The following RAB3GAP1 variants were observed in gnomAD, a reference collection of about 807,000 sequenced individuals.
The protein encoded by RAB3GAP1 is RAB3 GTPase activating protein catalytic subunit 1.
In RAB3GAP1, 86 loss-of-function variants were observed where a neutral mutation model predicts 130.7. That is an observed-to-expected ratio of 0.66 (90% CI 0.55 to 0.79). The LOEUF is 0.79. Ranked by LOEUF, RAB3GAP1 falls within the 30% of genes least tolerant of loss-of-function variation. The pLI is 0.00. For missense variants in RAB3GAP1, 1,029 were observed against 1,169.4 expected (o/e 0.88, Z 1.75); for synonymous variants, 367 against 401.7 (o/e 0.91, Z 1.03).
At chr2:135,085,507 T>C (rs1323654840) in intron 3 of RAB3GAP1, among the ~76,000 whole-genome samples, 3 of 152,164 alleles carry the variant, frequency 2.0e-5, no homozygotes, top group African/African-American at 7.2e-5. Flanking sequence ...AAGGCAGTGA[T>C]CTTTATCTTA....
chr2:135,109,538 A>G (rs984086030), intron 5 of RAB3GAP1, among the ~76,000 whole-genome samples: 1 of 151,678 alleles, frequency 6.6e-6, no homozygotes, highest in African/African-American at 2.4e-5. Flanking sequence ...CATTTTAAAT[A>G]TTGATATATT....
At position 135,109,340 on chromosome 2, in the gene RAB3GAP1, G is replaced by A. The variant is rs551813915; in HGVS notation, c.363-3811G>A. Among the ~76,000 whole-genome samples the A allele has an allele frequency of 7.9e-5, 12 of 151,830 alleles. No individual in the cohort carries two copies. The East Asian group carries it at 2.3e-3, about 29-fold the overall frequency. On this transcript the variant is annotated intron_variant, in intron 5 of 23. Transcript: ENST00000264158. ...TTTCTTTATTATGTGTGTGTGTGGT[G>A]GTATTGGTGGTGGTAACCATAATTA...
In RAB3GAP1 at chr2:135,083,767, GTT is replaced by G. The variant is rs34087354; in HGVS notation, c.151-7208_151-7207del. On this transcript the variant is annotated intron_variant, in intron 3 of 23. Transcript: ENST00000264158. ...GGCGTCAGCCACTGTACCCAACACG[GTT>G]TTTTTTTTTTTTTTTTTTTTTTAAT... Among the ~76,000 whole-genome samples, 723 of 98,264 alleles carry G rather than the reference GTT, an allele frequency of 7.4e-3. 5 individuals are homozygous for G. Among genetic ancestry groups the G allele is most frequent in the African/African-American group, 0.026 (664 of 25,726 alleles). 64.5% of individuals were successfully genotyped at this position (98,264 alleles called of 152,430 possible).
Position 135,162,805 on chromosome 2 carries a change from C to T in RAB3GAP1, c.2444C>T (p.Ser815Phe), listed in dbSNP as rs746243399. The change falls in exon 21 of 24, where the codon TCC becomes TTC. Residue 815 changes from serine to phenylalanine, a missense_variant. Ser to Phe is a radical substitution (Grantham distance 155). Around this residue, in one of 3 missense-constraint regions of RAB3GAP1, gnomAD observed 373 missense variants for 493.6 expected, o/e 0.76. Coordinates refer to ENST00000264158, the MANE Select transcript of RAB3GAP1 (RefSeq NM_012233.3). ...KKIIKQIISH[S>F]SKVLHFPNPE... Reference sequence around the variant, plus strand: ...ATCATAAAGCAGATAATATCCCATTCCAGTAAAGTTTTGCACTTCCCCAAT... The same window carrying T: ...ATCATAAAGCAGATAATATCCCATTTCAGTAAAGTTTTGCACTTCCCCAAT... 3.7e-6 allele frequency: 6 copies of T among 1,613,704 alleles called. No homozygotes were observed. The South Asian group carries it at 6.6e-5, about 18-fold the overall frequency.
At chr2:135,117,340 C>G (rs1255545287) in intron 7 of RAB3GAP1, among the ~76,000 whole-genome samples, 1 of 152,064 alleles carries the variant, frequency 6.6e-6, no homozygotes, top group African/African-American at 2.4e-5. Context: ...TTGCTCTCAC[C>G]AGAAGTCTTC....
At chr2:135,138,522 T>C (rs978639836) in intron 17 of RAB3GAP1, among the ~76,000 whole-genome samples, 9 of 152,164 alleles carry the variant, frequency 5.9e-5, no homozygotes, top group African/African-American at 1.7e-4. Context: ...ACAAGTATTA[T>C]TGGTTTGGGT....
At chr2:135,137,647 A>G (rs932772953) in intron 17 of RAB3GAP1, among the ~76,000 whole-genome samples, 1 of 152,230 alleles carries the variant, frequency 6.6e-6, no homozygotes, top group African/African-American at 2.4e-5. Flanking sequence ...TGACTTAAAG[A>G]AAAAGAAAAA....
intron 19 of RAB3GAP1, among the ~76,000 whole-genome samples, chr2:135,155,389 T>C (rs913692385): frequency 3.6e-4 from 55 of 152,254 alleles, no homozygotes; most frequent in African/African-American, 1.3e-3. Context: ...AAATGAAAGA[T>C]AAGAAAAGTC....
intron 19 of RAB3GAP1, among the ~76,000 whole-genome samples, chr2:135,158,127 A>G (rs1692367002): frequency 6.6e-6 from 1 of 152,196 alleles, no homozygotes; most frequent in South Asian, 2.1e-4. Context: ...GGGTATGGAC[A>G]TAGTAACTAT....
chr2:135,098,963 T>C (rs1013918713), intron 5 of RAB3GAP1, among the ~76,000 whole-genome samples: 10 of 152,200 alleles, frequency 6.6e-5, no homozygotes, highest in Admixed American at 2.6e-4. Context: ...ACAATCACTG[T>C]CTCTGAATAT....
intron 7 of RAB3GAP1, among the ~76,000 whole-genome samples, chr2:135,116,241 TATATTGATTAGG>T (rs1174355924): frequency 1.3e-5 from 2 of 152,148 alleles, no homozygotes; most frequent in African/African-American, 4.8e-5. Flanking sequence ...AAATATTAAG[TATATTGATTAGG>T]ATATTGATTA....
At chr2:135,162,091 AAAAT>A (rs1558805275) in intron 19 of RAB3GAP1, among the ~76,000 whole-genome samples, 1 of 152,212 alleles carries the variant, frequency 6.6e-6, no homozygotes, top group Non-Finnish European at 1.5e-5. Context: ...AATTGGAAAA[AAAAT>A]AAACCAAAAC....
chr2:135,168,474 A>G, intron 23 of RAB3GAP1, 71 bp from the exon 24 acceptor site: 2 of 1,172,718 alleles, frequency 1.7e-6, no homozygotes, highest in Non-Finnish European at 2.6e-6. Flanking sequence ...ATGTTAATTC[A>G]TCTGTCCTTC....
chr2:135,066,644 C>T (rs528014718), intron 3 of RAB3GAP1, among the ~76,000 whole-genome samples: 129 of 152,184 alleles, frequency 8.5e-4, no homozygotes, highest in African/African-American at 2.4e-3. Flanking sequence ...TGAGTATTAA[C>T]ATAGGTTTCT....
intron 3 of RAB3GAP1, among the ~76,000 whole-genome samples, chr2:135,066,262 A>G (rs1055258323): frequency 1.3e-5 from 2 of 152,156 alleles, no homozygotes; most frequent in African/African-American, 4.8e-5. Context: ...TCCAGATTTT[A>G]TAGGAAAGTT....
At chr2:135,104,550 T>G (rs756355649) in intron 5 of RAB3GAP1, among the ~76,000 whole-genome samples, 35 of 152,026 alleles carry the variant, frequency 2.3e-4, no homozygotes, top group Admixed American at 4.6e-4. Context: ...AAATAGAAAC[T>G]GTAATAAAGA....
At chr2:135,117,035 T>C (rs1161108757) in intron 7 of RAB3GAP1, among the ~76,000 whole-genome samples, 1 of 152,114 alleles carries the variant, frequency 6.6e-6, no homozygotes, top group Non-Finnish European at 1.5e-5. Flanking sequence ...ATAAATCCCT[T>C]TGATATTAAA....
intron 3 of RAB3GAP1, among the ~76,000 whole-genome samples, chr2:135,069,173 T>C (rs1326142360): frequency 6.6e-6 from 1 of 152,200 alleles, no homozygotes; most frequent in Admixed American, 6.5e-5. Flanking sequence ...TGTTTGTTGA[T>C]TGACTCCCCA....
intron 3 of RAB3GAP1, among the ~76,000 whole-genome samples, chr2:135,087,251 T>C (rs181353011): frequency 1.4e-4 from 21 of 152,364 alleles, no homozygotes; most frequent in African/African-American, 4.8e-4. Context: ...TTCTGGACTC[T>C]ATTTCATTGA....
Sources: allele counts gnomAD v4.1 joint callset (sites outside exome capture counted in the v4.1 genomes callset), GRCh38; gene constraint gnomAD v4.1.1; regional missense constraint gnomAD v4.1.1; transcripts MANE v1.5; gene names NCBI Gene and HGNC (gene_info 2026-07-23, HGNC 2026-07-21).